Variants in PAM observed in about 807,000 individuals in gnomAD.
PAM encodes peptidyl-glycine alpha-amidating monooxygenase.
Under a neutral mutation model 122.1 loss-of-function variants are expected in PAM, and 72 were observed. The observed-to-expected ratio is 0.59, with a 90% CI of 0.49 to 0.72. The LOEUF is 0.72. Among genes scored for constraint, PAM ranks in the 30% least tolerant of loss-of-function variants. The pLI, the probability that PAM is intolerant of heterozygous loss-of-function variation, is 0.00. For synonymous variants in PAM, 389 were observed against 404.4 expected, an observed-to-expected ratio of 0.96 and a Z score of 0.46; for missense variants, 1,106 against 1,183.7, an observed-to-expected ratio of 0.93 and a Z score of 0.96.
In PAM at chr5:102,906,342, A is replaced by G. The variant is rs1248013613; in HGVS notation, c.268+4929A>G. Among the ~76,000 whole-genome samples, 5 of 151,712 alleles carry G rather than the reference A, an allele frequency of 3.3e-5. No individual in the cohort carries two copies. In the East Asian group the frequency reaches 5.8e-4, roughly 18 times the overall value. On this transcript the variant is annotated intron_variant, in intron 4 of 25. Coordinates refer to ENST00000438793, the MANE Select transcript of PAM (RefSeq NM_001177306.2). ...TACTTTAGTAGTCAACTCTTAAAAG[A>G]TCACTATGAGTTGGTCTAGTCAGAG...
intron 23 of PAM, among the ~76,000 whole-genome samples, chr5:103,024,588 A>C (rs1429101234): frequency 6.6e-6 from 1 of 152,184 alleles, no homozygotes; most frequent in Non-Finnish European, 1.5e-5. Context: ...ATATTTTTAA[A>C]CTAAAGATAC....
At chr5:102,976,185 CTAAAA>C (rs1015261347) in intron 15 of PAM, among the ~76,000 whole-genome samples, 2 of 152,110 alleles carry the variant, frequency 1.3e-5, no homozygotes, top group Non-Finnish European at 2.9e-5. Flanking sequence ...TATTTCCTTT[CTAAAA>C]TAATTTAATG....
chr5:102,946,636 T>C (rs1757134688), intron 7 of PAM, among the ~76,000 whole-genome samples: 1 of 150,388 alleles, frequency 6.6e-6, no homozygotes, highest in Non-Finnish European at 1.5e-5. Context: ...GAAATGATAG[T>C]TTTGTTTTTG....
intron 21 of PAM, among the ~76,000 whole-genome samples, chr5:103,016,877 C>G (rs971648595): frequency 1.1e-4 from 17 of 152,074 alleles, no homozygotes; most frequent in African/African-American, 4.1e-4. Flanking sequence ...TTTAAGGTAG[C>G]ACATGATAGC....
intron 1 of PAM, among the ~76,000 whole-genome samples, chr5:102,827,076 G>GT (rs1288194992): frequency 6.6e-6 from 1 of 152,174 alleles, no homozygotes; most frequent in African/African-American, 2.4e-5. Context: ...TTGGAATTCA[G>GT]TATTAAAGGA....
At chr5:103,014,595 C>T (rs138590653) in intron 21 of PAM, among the ~76,000 whole-genome samples, 117 of 152,280 alleles carry the variant, frequency 7.7e-4, no homozygotes, top group African/African-American at 2.8e-3. Context: ...GATTCCTCTT[C>T]ACGATGAAGG....
intron 1 of PAM, among the ~76,000 whole-genome samples, chr5:102,845,247 A>G (rs1222723411): frequency 6.6e-6 from 1 of 152,250 alleles, no homozygotes; most frequent in Non-Finnish European, 1.5e-5. Flanking sequence ...GGAGGGGCAC[A>G]TGAAATGAGA....
At position 103,003,097 on chromosome 5, in the gene PAM, C is replaced by G. The variant is rs375869205; in HGVS notation, c.1678C>G (p.Leu560Val). Residue 560 changes from leucine to valine, a missense_variant, in exon 17 of 26, where the codon CTT (leucine) becomes GTT (valine). Transcript: ENST00000438793. ...CGGACCAATTGAAGAAGACACTATT[C>G]TTGTCATAGATCCAAATAATGCTGC... is the stretch of plus-strand genomic sequence containing the variant. ...GLGPIEEDTI[L>V]VIDPNNAAVL... The G allele has an allele frequency of 6.2e-7, 1 of 1,607,116 alleles. No individual in the cohort carries two copies. Among genetic ancestry groups the G allele is most frequent in the Non-Finnish European group, 8.5e-7 (1 of 1,173,792 alleles).
chr5:103,029,230 A>G lies in PAM; in HGVS notation c.*165A>G. ...TTTGGTTAAGTTGGCTTCTGTTTCT[A>G]GTTGAGGAGTTTCCTAAAAGTTCAT... On this transcript the variant is annotated 3_prime_UTR_variant, in exon 26 of 26. Transcript: ENST00000438793. 1 of 465,404 alleles carries G rather than the reference A, an allele frequency of 2.1e-6. No homozygotes were observed. The highest frequency in any genetic ancestry group is 5.9e-5 in the South Asian group (1 of 17,024). 28.8% of individuals were successfully genotyped at this position (465,404 alleles called of 1,614,324 possible).
rs186291427 is a variant in PAM at position 102,963,498 on chromosome 5, G to A, written c.1162+2269G>A. 7.2e-5 allele frequency among the ~76,000 whole-genome samples: 11 copies of A among 152,044 alleles called. No individual in the cohort carries two copies. The East Asian group carries it at 1.9e-3, about 27-fold the overall frequency. On this transcript the variant is annotated intron_variant, in intron 14 of 25. Transcript: ENST00000438793. ...AACTTCACTTATCACTTTATTTGGT[G>A]TTCTGGCCAAAACAATTTGTGTAGT... is the stretch of plus-strand genomic sequence containing the variant.
intron 1 of PAM, among the ~76,000 whole-genome samples, chr5:102,810,166 T>C (rs1767473767): frequency 6.6e-6 from 1 of 152,156 alleles, no homozygotes; most frequent in Admixed American, 6.5e-5. Flanking sequence ...TTTAATTTCT[T>C]CAATAACTAG....
Position 102,765,113 on chromosome 5 carries a change from C to G in PAM, c.-374+9765C>G, listed in dbSNP as rs80203531. On this transcript the variant is annotated intron_variant, in intron 1 of 25. Transcript: ENST00000438793. Reference sequence around the variant, plus strand: ...CACAGAACCCCTCAGCCTACTCAGTCTATGTGATGTTATTTTTGTCCTTCC... The same window carrying G: ...CACAGAACCCCTCAGCCTACTCAGTGTATGTGATGTTATTTTTGTCCTTCC... Among the ~76,000 whole-genome samples, 1,050 of 152,286 alleles carry G rather than the reference C, an allele frequency of 6.9e-3. 9 individuals are homozygous for G. The highest frequency in any genetic ancestry group is 0.013 in the Non-Finnish European group (881 of 68,020).
chr5:102,869,790 T>C (rs954022397), intron 3 of PAM, among the ~76,000 whole-genome samples: 1 of 152,058 alleles, frequency 6.6e-6, no homozygotes, highest in Non-Finnish European at 1.5e-5. Context: ...GAAAGTATTA[T>C]TTTCTTAAAA....
At chr5:102,960,706 C>T (rs1463811591) in intron 13 of PAM, among the ~76,000 whole-genome samples, 1 of 151,754 alleles carries the variant, frequency 6.6e-6, no homozygotes, top group Non-Finnish European at 1.5e-5. Flanking sequence ...TCAGTCTTAA[C>T]ACGCTAGAGC....
chr5:102,805,488 G>A (rs1765981277), intron 1 of PAM, among the ~76,000 whole-genome samples: 2 of 152,200 alleles, frequency 1.3e-5, no homozygotes, highest in Non-Finnish European at 2.9e-5. Context: ...ATAAAAGAAG[G>A]TGTACTGTTA....
At chr5:103,014,182 T>A (rs1441731442) in intron 21 of PAM, among the ~76,000 whole-genome samples, 1 of 152,192 alleles carries the variant, frequency 6.6e-6, no homozygotes, top group East Asian at 1.9e-4. Context: ...ATGTACTGTG[T>A]CAACCAGGAT....
intron 15 of PAM, among the ~76,000 whole-genome samples, chr5:102,976,714 A>AT (rs1562105252): frequency 6.6e-6 from 1 of 152,198 alleles, no homozygotes; most frequent in African/African-American, 2.4e-5. Context: ...GCTTAATATT[A>AT]TAGCTCATAC....
intron 1 of PAM, among the ~76,000 whole-genome samples, chr5:102,804,585 C>A (rs1765724361): frequency 6.6e-6 from 1 of 152,082 alleles, no homozygotes; most frequent in Admixed American, 6.6e-5. Flanking sequence ...TAATAAAGTC[C>A]CACATCCCAC....
At position 102,885,094 on chromosome 5, in the gene PAM, T is replaced by TATATATATATATATATATATATATAA. The variant is rs60241746; in HGVS notation, c.211-16261_211-16260insTATATATATATATATATATATATAAA. Among the ~76,000 whole-genome samples the TATATATATATATATATATATATATAA allele has an allele frequency of 4.2e-3, 622 of 147,718 alleles. 8 individuals carry two copies. The highest frequency in any genetic ancestry group is 0.035 in the East Asian group (168 of 4,818). On this transcript the variant is annotated intron_variant, in intron 3 of 25. Coordinates refer to ENST00000438793, the MANE Select transcript of PAM (RefSeq NM_001177306.2). The stretch of plus-strand genomic sequence containing the variant: ...CTTGTTTAATAACTATATATATATA[T>TATATATATATATATATATATATATAA]AACTATAAAAGCTTTACTTGATTAT...
Sources: allele counts gnomAD v4.1 joint callset (sites outside exome capture counted in the v4.1 genomes callset), GRCh38; gene constraint gnomAD v4.1.1; transcripts MANE v1.5; gene names NCBI Gene and HGNC (gene_info 2026-07-23, HGNC 2026-07-21).